Variants in PKLR observed in about 807,000 individuals in gnomAD.
The protein encoded by PKLR is pyruvate kinase L/R, also known as pyruvate kinase PKLR.
Under a neutral mutation model 53.6 loss-of-function variants are expected in PKLR, and 38 were observed. That is an observed-to-expected ratio of 0.71 (90% confidence interval 0.55 to 0.93). The LOEUF is 0.93. Among genes scored for constraint, PKLR ranks in the 40% least tolerant of loss-of-function variants. The pLI is 0.00. For missense variants in PKLR, 702 were observed against 787.3 expected (o/e 0.89, Z 1.30); for synonymous variants, 328 against 316.2 (o/e 1.04, Z -0.39).
upstream of PKLR, among the ~76,000 whole-genome samples, chr1:155,303,774 C>T (rs1338174415): frequency 1.3e-5 from 2 of 151,968 alleles, no homozygotes; most frequent in East Asian, 1.9e-4. Flanking sequence ...TACAGGTGCA[C>T]GCCACCATGC....
Position 155,293,145 on chromosome 1 carries a change from C to T in PKLR, c.1436+32G>A, listed in dbSNP as rs539746436. The T allele has an allele frequency of 6.2e-7, 1 of 1,610,162 alleles. No individual in the cohort carries two copies. Among genetic ancestry groups the T allele is most frequent in the South Asian group, 1.1e-5 (1 of 91,016 alleles). On this transcript the variant is annotated intron_variant, in intron 9 of 10. Transcript: ENST00000342741. The surrounding 1 kb of genome is among the most constrained non-coding windows in gnomAD (Gnocchi z 4.2). ...GTCCCAGCCCACCCCTGACCCAAAG[C>T]TCCATCTGGACATTCCCAATATCCC...
Position 155,293,446 on chromosome 1 carries a change from G to T in PKLR, c.1261C>A (p.Gln421Lys), listed in dbSNP as rs118204084. ...GNFPVEAVKM[Q>K]HAIAREAEAA... ...TCATTCTGAGCTCCTACCGCATGCT[G>T]CATCTTCACCGCTTCCACAGGGAAG... is the stretch of plus-strand genomic sequence containing the variant. The change falls in exon 8 of 11, where the codon CAG becomes AAG. Residue 421 changes from glutamine to lysine, a missense_variant. Transcript: ENST00000342741. The surrounding 1 kb of genome is among the most constrained non-coding windows in gnomAD (Gnocchi z 4.2). 1 of 1,614,214 alleles carries T rather than the reference G, an allele frequency of 6.2e-7. No individual in the cohort carries two copies. Among genetic ancestry groups the T allele is most frequent in the East Asian group, 2.2e-5 (1 of 44,886 alleles).
the PKLR span, among the ~76,000 whole-genome samples, chr1:155,307,797 A>G: frequency 8.0e-3 from 1,214 of 152,146 alleles, 21 homozygotes; most frequent in African/African-American, 0.028. Flanking sequence ...GCCAATCTGG[A>G]GAAACCCCCT....
chr1:155,304,108 G>A (rs1648166870), upstream of PKLR, among the ~76,000 whole-genome samples: 1 of 152,092 alleles, frequency 6.6e-6, no homozygotes. Context: ...TGATCCAACT[G>A]ATGGTTTAGG....
intron 1 of PKLR, chr1:155,300,785 C>T: frequency 6.9e-7 from 1 of 1,438,906 alleles, no homozygotes; most frequent in South Asian, 1.2e-5. Flanking sequence ...ACCCCATCCT[C>T]TGAGTCTCCC....
Position 155,290,488 on chromosome 1 carries a change from G to T in PKLR, c.*84C>A. ...AGAGAGGACTTAAAGGTGGGGCTTT[G>T]GAGGGGTGTGGGCTGGAGAACGTAG... On this transcript the variant is annotated 3_prime_UTR_variant, in exon 11 of 11. Transcript: ENST00000342741. 1 of 808,954 alleles carries T rather than the reference G, an allele frequency of 1.2e-6. No homozygotes were observed. The highest frequency in any genetic ancestry group is 2.1e-6 in the Non-Finnish European group (1 of 465,270). 50.1% of individuals were successfully genotyped at this position (808,954 alleles called of 1,614,324 possible).
At position 155,300,155 on chromosome 1, in the gene PKLR, G is replaced by C; in HGVS notation, c.226C>G (p.Leu76Val). Reference protein sequence around the residue: ...ADTFLEHLCLLDIDSEPVAAR... With the variant: ...ADTFLEHLCLVDIDSEPVAAR... The stretch of plus-strand genomic sequence containing the variant: ...GCCACGGGCTCGGAGTCAATGTCCA[G>C]TAGGCAGAGGTGTTCCAGGAAGGTG... Residue 76 changes from leucine (L) to valine (V), a missense_variant, in exon 2 of 11, where the codon CTG becomes GTG. Physicochemically the swap from Leu to Val is conservative, Grantham distance 32. Coordinates refer to ENST00000342741, the MANE Select transcript of PKLR (RefSeq NM_000298.6). The C allele has an allele frequency of 6.2e-7, 1 of 1,614,066 alleles. No homozygotes were observed. The highest frequency in any genetic ancestry group is 8.5e-7 in the Non-Finnish European group (1 of 1,180,022).
At chr1:155,292,138 C>A (rs1479406940) in intron 9 of PKLR, among the ~76,000 whole-genome samples, 1 of 151,952 alleles carries the variant, frequency 6.6e-6, no homozygotes, top group Non-Finnish European at 1.5e-5. Flanking sequence ...GTGGCTCATG[C>A]CTGTAATCCC....
upstream of PKLR, among the ~76,000 whole-genome samples, chr1:155,302,477 T>A (rs1373704781): frequency 5.3e-5 from 8 of 151,942 alleles, no homozygotes; most frequent in African/African-American, 1.5e-4. Flanking sequence ...CCTCAGGTGA[T>A]CTGCCCGCCA....
intron 2 of PKLR, 25 bp downstream of exon 2, chr1:155,300,073 G>C (rs369726754): frequency 1.2e-6 from 2 of 1,603,884 alleles, no homozygotes; most frequent in Non-Finnish European, 1.7e-6. Context: ...GCCCTGTGTG[G>C]CTGCAGGGGG....
chr1:155,290,859 C>T (rs966241849), intron 10 of PKLR, among the ~76,000 whole-genome samples, 181 bp from the exon 11 acceptor site: 1 of 151,726 alleles, frequency 6.6e-6, no homozygotes, highest in Non-Finnish European at 1.5e-5. Flanking sequence ...TGTGGTGGCG[C>T]ATGCCTGTAA....
At position 155,293,310 on chromosome 1, in the gene PKLR, G is replaced by A. The variant is rs142238268; in HGVS notation, c.1303C>T (p.Arg435Trp). ...AREAEAAVYH[R>W]QLFEELRRAA... The stretch of plus-strand genomic sequence containing the variant: ...CGACGTAGCTCCTCAAACAGCTGCC[G>A]GTGGTACACTGCGGCCTCTGCCTCC... Residue 435 changes from arginine to tryptophan, a missense_variant, in exon 9 of 11, where the codon CGG becomes TGG. Transcript: ENST00000342741. The surrounding 1 kb of genome is among the most constrained non-coding windows in gnomAD (Gnocchi z 4.2). 2.2e-5 allele frequency: 36 copies of A among 1,614,124 alleles called. No homozygotes were observed. Among genetic ancestry groups the A allele is most frequent in the East Asian group, 4.5e-5 (2 of 44,900 alleles).
the PKLR span, chr1:155,308,500 C>T: frequency 5.3e-6 from 5 of 947,176 alleles, no homozygotes; most frequent in Admixed American, 1.2e-4. Flanking sequence ...AATGATTTGC[C>T]TAAAGTTAGA....
upstream of PKLR, among the ~76,000 whole-genome samples, chr1:155,303,044 C>T (rs564132113): frequency 2.9e-4 from 44 of 152,258 alleles, no homozygotes; most frequent in South Asian, 5.2e-3. Context: ...TTAAACACTC[C>T]TATAAACACC....
At chr1:155,296,203 C>T (rs754220824) in intron 2 of PKLR, among the ~76,000 whole-genome samples, 1 of 152,112 alleles carries the variant, frequency 6.6e-6, no homozygotes, top group Non-Finnish European at 1.5e-5. Flanking sequence ...AGCTGCTAGC[C>T]GAGAGCAGGT....
At chr1:155,308,186 T>G in the PKLR span, among the ~76,000 whole-genome samples, 2 of 151,276 alleles carry the variant, frequency 1.3e-5, no homozygotes, top group Non-Finnish European at 2.9e-5. Flanking sequence ...TCAGCCCTCC[T>G]GAGTGGCTGG....
chr1:155,307,235 C>T, the PKLR span, among the ~76,000 whole-genome samples: 1 of 152,190 alleles, frequency 6.6e-6, no homozygotes, highest in African/African-American at 2.4e-5. Flanking sequence ...ATTCTTTGTT[C>T]AAGATGCCAA....
At position 155,293,101 on chromosome 1, in the gene PKLR, A is replaced by T; in HGVS notation, c.1436+76T>A. 6.7e-7 allele frequency: 1 copy of T among 1,500,628 alleles called. No homozygotes were observed. Among genetic ancestry groups the T allele is most frequent in the Non-Finnish European group, 9.3e-7 (1 of 1,076,674 alleles). 93.0% of individuals were successfully genotyped at this position (1,500,628 alleles called of 1,614,324 possible). On this transcript the variant is annotated intron_variant, in intron 9 of 10. Transcript: ENST00000342741. This position sits in a 1 kb window ranked among gnomAD's most constrained non-coding sequence, Gnocchi z 4.2. ...ACTCTTCACCCCTGGTGACCAGACT[A>T]AACCCAAGCCTGGGGCCCGTCCCAG...
rs1291071651 is a variant in PKLR, at chr1:155,300,136, G to A, written c.245C>T (p.Pro82Leu). ...GATGCTGGTACTGCGAGCAGCCACG[G>A]GCTCGGAGTCAATGTCCAGTAGGCA... ...HLCLLDIDSE[P>L]VAARSTSIIA... Residue 82 changes from proline to leucine, a missense_variant, in exon 2 of 11, where the codon CCC (proline) becomes CTC (leucine). Physicochemically the swap from Pro to Leu is moderately conservative, Grantham distance 98 (BLOSUM62 -3). Around this residue, in one of 2 missense-constraint regions of PKLR, gnomAD observed 519 missense variants for 537.1 expected, o/e 0.97. Transcript: ENST00000342741. The A allele has an allele frequency of 1.2e-6, 2 of 1,613,980 alleles. No homozygotes were observed. The highest frequency in any genetic ancestry group is 3.3e-5 in the Admixed American group (2 of 60,030).
Sources: allele counts gnomAD v4.1 joint callset (sites outside exome capture counted in the v4.1 genomes callset), GRCh38; gene constraint gnomAD v4.1.1; regional missense constraint gnomAD v4.1.1; non-coding constraint Gnocchi (gnomAD v3.1); transcripts MANE v1.5; gene names NCBI Gene and HGNC (gene_info 2026-07-23, HGNC 2026-07-21).